Variants in ST6GAL1 observed in about 807,000 individuals in gnomAD.
ST6GAL1 encodes the protein beta-galactoside alpha-2,6-sialyltransferase 1.
A neutral mutation model predicts 38.0 loss-of-function variants in ST6GAL1; 20 were observed. The observed-to-expected ratio is 0.53, with a 90% CI of 0.37 to 0.77. ST6GAL1 has a LOEUF of 0.77. Ranked by LOEUF, ST6GAL1 falls within the 30% of genes least tolerant of loss-of-function variation. The pLI is 0.00. For missense variants in ST6GAL1, 432 were observed against 496.4 expected (o/e 0.87, Z 1.23); for synonymous variants, 196 against 188.2 (o/e 1.04, Z -0.34).
intron 5 of ST6GAL1, among the ~76,000 whole-genome samples, chr3:187,056,146 T>C (rs911561725): frequency 6.6e-6 from 1 of 152,192 alleles, no homozygotes; most frequent in African/African-American, 2.4e-5. Context: ...TTTTTTTGCT[T>C]TCCATTTGCT....
At chr3:186,972,389 C>T (rs1715379510) in intron 2 of ST6GAL1, among the ~76,000 whole-genome samples, 1 of 152,108 alleles carries the variant, frequency 6.6e-6, no homozygotes, top group African/African-American at 2.4e-5. Context: ...GCTGGGACTA[C>T]AGGCACGGGC....
At chr3:186,980,917 A>T (rs1034318604) in intron 2 of ST6GAL1, among the ~76,000 whole-genome samples, 1 of 152,138 alleles carries the variant, frequency 6.6e-6, no homozygotes, top group Non-Finnish European at 1.5e-5. Context: ...CAGTGCCATC[A>T]CGTGTTGGGT....
At chr3:187,057,836 A>T (rs1217476179) in intron 5 of ST6GAL1, among the ~76,000 whole-genome samples, 3 of 152,192 alleles carry the variant, frequency 2.0e-5, no homozygotes, top group African/African-American at 7.2e-5. Context: ...GAGCTGTCAG[A>T]CAGGGACGTT....
At chr3:187,002,578 T>C (rs80096938) in intron 2 of ST6GAL1, among the ~76,000 whole-genome samples, 8,837 of 152,318 alleles carry the variant, frequency 0.058, 303 homozygotes, top group Middle Eastern at 0.15. Context: ...TTCTTGCCGC[T>C]AAGCATCTCC....
At chr3:186,991,418 G>A (rs1361664959) in intron 2 of ST6GAL1, among the ~76,000 whole-genome samples, 5 of 152,112 alleles carry the variant, frequency 3.3e-5, no homozygotes, top group African/African-American at 1.2e-4. Context: ...AGGGTGCTGT[G>A]GGAGCACAGG....
chr3:187,043,427 G>A, intron 4 of ST6GAL1, 117 bp downstream of exon 4: 1 of 1,439,950 alleles, frequency 6.9e-7, no homozygotes, highest in Non-Finnish European at 9.2e-7. Flanking sequence ...AGTGGGCCCA[G>A]GGCAGTGTTT....
At chr3:186,934,512 C>T (rs908981021) in intron 1 of ST6GAL1, among the ~76,000 whole-genome samples, 5 of 150,234 alleles carry the variant, frequency 3.3e-5, no homozygotes, top group South Asian at 4.3e-4. Flanking sequence ...CAGTGAGCCG[C>T]GATCTCACCA....
intron 2 of ST6GAL1, among the ~76,000 whole-genome samples, chr3:186,967,660 CTGCCT>C (rs1715195225): frequency 6.6e-6 from 1 of 152,184 alleles, no homozygotes; most frequent in African/African-American, 2.4e-5. Flanking sequence ...AGGTGGTGCC[CTGCCT>C]TCAGCTTTGG....
intron 2 of ST6GAL1, among the ~76,000 whole-genome samples, chr3:186,998,550 T>C (rs139100522): frequency 6.6e-6 from 1 of 152,146 alleles, no homozygotes; most frequent in Non-Finnish European, 1.5e-5. Flanking sequence ...GTTTCAGGAA[T>C]GGCAGAGGTA....
At chr3:187,046,673 T>C (rs546096786) in intron 4 of ST6GAL1, among the ~76,000 whole-genome samples, 1 of 152,314 alleles carries the variant, frequency 6.6e-6, no homozygotes, top group African/African-American at 2.4e-5. Context: ...AGGTGGGACA[T>C]ATTCTTGGGC....
At chr3:187,036,868 T>C (rs1350244740) in intron 2 of ST6GAL1, among the ~76,000 whole-genome samples, 2 of 152,190 alleles carry the variant, frequency 1.3e-5, no homozygotes, top group Non-Finnish European at 2.9e-5. Context: ...CCTGCATACA[T>C]ACCCCCTGAA....
chr3:187,074,468 A>G (rs1719494204), intron 7 of ST6GAL1, 135 bp downstream of exon 7: 3 of 954,804 alleles, frequency 3.1e-6, no homozygotes, highest in Admixed American at 3.8e-5. Context: ...CTGCTTGTAG[A>G]CCATGCCAAG....
intron 2 of ST6GAL1, among the ~76,000 whole-genome samples, chr3:186,973,884 C>T (rs1261636035): frequency 2.6e-5 from 4 of 152,188 alleles, no homozygotes; most frequent in African/African-American, 9.7e-5. Context: ...TGTGTGCTTG[C>T]CTCTGTGCTG....
intron 2 of ST6GAL1, among the ~76,000 whole-genome samples, chr3:187,024,487 TATATATAGAG>T (rs753529417): frequency 0.016 from 1,107 of 68,118 alleles, 10 homozygotes; most frequent in East Asian, 0.038. Context: ...TATATATATA[TATATATAGAG>T]AGAGAGAGAG....
chr3:187,061,322 C>T (rs1293494894), intron 5 of ST6GAL1, among the ~76,000 whole-genome samples: 3 of 152,068 alleles, frequency 2.0e-5, no homozygotes, highest in Non-Finnish European at 2.9e-5. Context: ...AGATTTAATG[C>T]AATCGTTGTG....
chr3:187,004,572 T>G (rs2108554729), intron 2 of ST6GAL1, among the ~76,000 whole-genome samples: 1 of 152,320 alleles, frequency 6.6e-6, no homozygotes, highest in South Asian at 2.1e-4. Context: ...GGTAGCAATA[T>G]GTAATACACT....
At chr3:187,035,394 A>T (rs1002896132) in intron 2 of ST6GAL1, among the ~76,000 whole-genome samples, 2 of 152,230 alleles carry the variant, frequency 1.3e-5, no homozygotes, top group South Asian at 4.1e-4. Context: ...CAGAACTAGA[A>T]AAAACCTATC....
intron 2 of ST6GAL1, chr3:187,022,059 C>T (rs1717327718): frequency 6.6e-6 from 1 of 152,176 alleles, no homozygotes. Context: ...TTAATTGAAC[C>T]CACGGAGAGG....
chr3:187,042,521 TG>T lies in ST6GAL1; in HGVS notation c.-50-131del, dbSNP rs769270. On this transcript the variant is annotated intron_variant, in intron 3 of 7. Transcript: ENST00000169298. ...AGAATTGCTTAACAGGCTGCAGAGG[TG>T]GCCAGGAGGTAGACCAGGGCTGGAA... The T allele has an allele frequency of 9.1e-3, 7,528 of 827,726 alleles. 432 individuals carry two copies. The African/African-American group carries it at 0.11, about 13-fold the overall frequency. 51.3% of individuals were successfully genotyped at this position (827,726 alleles called of 1,614,324 possible). A position where few individuals can be genotyped will look rare whatever the true frequency, so the allele number is the denominator to read the frequency against.
Sources: gnomAD v4.1 joint callset for allele counts (sites outside exome capture counted in the v4.1 genomes callset) on GRCh38, gnomAD v4.1.1 for gene constraint, MANE v1.5 for transcripts, NCBI Gene and HGNC (gene_info 2026-07-23, HGNC 2026-07-21) for gene names.